ZBTB20: variants seen among roughly 807,000 people sequenced by gnomAD.
ZBTB20 encodes the protein zinc finger and BTB domain-containing protein 20.
In ZBTB20, 9 loss-of-function variants were observed where a neutral mutation model predicts 56.9. The ratio of observed to expected loss-of-function variants is 0.16; its 90% CI spans 0.10 to 0.28. ZBTB20 has a LOEUF of 0.28. Among genes scored for constraint, ZBTB20 ranks in the 10% least tolerant of loss-of-function variants. ZBTB20 has a pLI of 1.00. For missense variants in ZBTB20, 655 were observed against 1,003.0 expected, an observed-to-expected ratio of 0.65 and a Z score of 4.69; for synonymous variants, 417 against 420.7, an observed-to-expected ratio of 0.99 and a Z score of 0.11.
intron 6 of ZBTB20, among the ~76,000 whole-genome samples, chr3:114,566,724 T>G (rs776443664): frequency 1.3e-5 from 2 of 152,222 alleles, no homozygotes; most frequent in Non-Finnish European, 2.9e-5. Flanking sequence ...AGCACATTGT[T>G]CTTCAATCAC....
At chr3:114,839,374 C>T (rs59135110) in intron 4 of ZBTB20, among the ~76,000 whole-genome samples, 2,420 of 140,222 alleles carry the variant, frequency 0.017, 73 homozygotes, top group African/African-American at 0.061. Context: ...GCACTCCACC[C>T]TGCAGCCTGG....
intron 7 of ZBTB20, among the ~76,000 whole-genome samples, chr3:114,397,796 C>T (rs1188768385): frequency 1.3e-5 from 2 of 152,128 alleles, no homozygotes; most frequent in African/African-American, 4.8e-5. Flanking sequence ...TCCAGGCTTA[C>T]CGGATTACAG....
chr3:114,824,734 A>C (rs1293282680), intron 4 of ZBTB20, among the ~76,000 whole-genome samples: 1 of 151,962 alleles, frequency 6.6e-6, no homozygotes, highest in Non-Finnish European at 1.5e-5. Context: ...AGAAGCTCAG[A>C]GAGCTAAAGA....
chr3:114,497,441 A>C (rs1427654855), intron 7 of ZBTB20, among the ~76,000 whole-genome samples: 1 of 152,076 alleles, frequency 6.6e-6, no homozygotes, highest in Admixed American at 6.6e-5. Context: ...ACACTGAACT[A>C]TTCACTCCTC....
At position 114,844,330 on chromosome 3, in the gene ZBTB20, A is replaced by AATATATATAT. The variant is rs71146341; in HGVS notation, c.-416-43166_-416-43157dup. The stretch of plus-strand genomic sequence containing the variant: ...GTTGCATAAGAAAATTACTGGAGTA[A>AATATATATAT]ATATATATATATATATATATATATA... On this transcript the variant is annotated intron_variant, in intron 4 of 11. Transcript: ENST00000675478. Among the ~76,000 whole-genome samples, 656 of 99,050 alleles carry AATATATATAT rather than the reference A, an allele frequency of 6.6e-3. 19 individuals are homozygous for AATATATATAT. The highest frequency in any genetic ancestry group is 0.013 in the African/African-American group (216 of 16,700). The allele number at this position is 99,050 out of a possible 152,430, so 65.0% of individuals were successfully genotyped here. A position where few individuals can be genotyped will look rare whatever the true frequency, so the allele number is the denominator to read the frequency against.
chr3:114,809,561 GTAAT>G (rs2072362849), intron 4 of ZBTB20, among the ~76,000 whole-genome samples: 1 of 151,870 alleles, frequency 6.6e-6, no homozygotes, highest in Non-Finnish European at 1.5e-5. Flanking sequence ...TATTTAAAGG[GTAAT>G]TATAGTAATA....
At chr3:114,610,889 A>G (rs757044873) in intron 6 of ZBTB20, among the ~76,000 whole-genome samples, 4 of 152,238 alleles carry the variant, frequency 2.6e-5, no homozygotes, top group Admixed American at 6.5e-5. Flanking sequence ...CAACGTGTAC[A>G]CACAATTCTT....
chr3:114,935,083 G>A (rs1406121166), intron 3 of ZBTB20, among the ~76,000 whole-genome samples: 1 of 152,074 alleles, frequency 6.6e-6, no homozygotes, highest in African/African-American at 2.4e-5. Context: ...AAATCAATTT[G>A]GGTCATGGTA....
chr3:115,088,997 GC>G (rs1468170678), intron 1 of ZBTB20, among the ~76,000 whole-genome samples: 1 of 151,828 alleles, frequency 6.6e-6, no homozygotes, highest in Non-Finnish European at 1.5e-5. Flanking sequence ...AGAGGATTAT[GC>G]ATTATCAATT....
intron 6 of ZBTB20, among the ~76,000 whole-genome samples, chr3:114,669,442 A>T (rs1365040878): frequency 6.6e-6 from 1 of 152,038 alleles, no homozygotes; most frequent in Non-Finnish European, 1.5e-5. Flanking sequence ...AACTGGTAAA[A>T]CAGGTAGTTG....
chr3:114,439,992 T>C (rs944527895), intron 7 of ZBTB20, among the ~76,000 whole-genome samples: 3 of 152,158 alleles, frequency 2.0e-5, no homozygotes, highest in Admixed American at 6.5e-5. Context: ...ATCTCTATAA[T>C]CATGCTTAGA....
chr3:114,924,434 A>G (rs1262269917), intron 3 of ZBTB20, among the ~76,000 whole-genome samples: 1 of 152,232 alleles, frequency 6.6e-6, no homozygotes, highest in Non-Finnish European at 1.5e-5. Flanking sequence ...TCTGTAAGAC[A>G]TTATACTAAG....
intron 5 of ZBTB20, among the ~76,000 whole-genome samples, chr3:114,718,936 A>G (rs926136200): frequency 2.0e-5 from 3 of 151,980 alleles, no homozygotes; most frequent in Non-Finnish European, 4.4e-5. Context: ...TATGTGTGTG[A>G]GCTGTTCCAC....
intron 4 of ZBTB20, among the ~76,000 whole-genome samples, chr3:114,853,913 T>C (rs1399981307): frequency 6.6e-6 from 1 of 152,200 alleles, no homozygotes; most frequent in Non-Finnish European, 1.5e-5. Context: ...AGAAGAGTAA[T>C]AGGAAAATGA....
chr3:114,815,230 G>A (rs2072832747), intron 4 of ZBTB20, among the ~76,000 whole-genome samples: 1 of 152,046 alleles, frequency 6.6e-6, no homozygotes, highest in African/African-American at 2.4e-5. Flanking sequence ...TTATATATTA[G>A]TAGTTAAGTC....
At chr3:114,855,845 T>A (rs896639090) in intron 4 of ZBTB20, among the ~76,000 whole-genome samples, 1 of 152,116 alleles carries the variant, frequency 6.6e-6, no homozygotes, top group African/African-American at 2.4e-5. Flanking sequence ...CTTAGAAAAT[T>A]ATCCCTAAAA....
chr3:115,043,929 A>G (rs1279986159), intron 2 of ZBTB20, among the ~76,000 whole-genome samples: 2 of 152,114 alleles, frequency 1.3e-5, no homozygotes, highest in Admixed American at 6.5e-5. Flanking sequence ...TCTCCTTGGT[A>G]ATAAGTGAGC....
At chr3:114,638,777 A>G (rs1195408916) in intron 6 of ZBTB20, among the ~76,000 whole-genome samples, 1 of 151,970 alleles carries the variant, frequency 6.6e-6, no homozygotes, top group Admixed American at 6.6e-5. Flanking sequence ...TAGCTCAATT[A>G]TTATATACAA....
chr3:114,846,170 TTG>T lies in ZBTB20; in HGVS notation c.-416-44998_-416-44997del, dbSNP rs548201976. On this transcript the variant is annotated intron_variant, in intron 4 of 11. Coordinates refer to ENST00000675478, the MANE Select transcript of ZBTB20 (RefSeq NM_001348800.3). Reference sequence around the variant, plus strand: ...CTATATAATGTGTGTGTCTGTGTGTTTGTATGCATGTGTATGAAATCAAAATG... The same window carrying T: ...CTATATAATGTGTGTGTCTGTGTGTTTATGCATGTGTATGAAATCAAAATG... Among the ~76,000 whole-genome samples the T allele has an allele frequency of 9.3e-4, 141 of 152,168 alleles. 1 individual carries two copies. Among genetic ancestry groups the T allele is most frequent in the Middle Eastern group, 3.4e-3 (1 of 294 alleles).
Sources: gnomAD v4.1 joint callset for allele counts (sites outside exome capture counted in the v4.1 genomes callset) on GRCh38, gnomAD v4.1.1 for gene constraint, MANE v1.5 for transcripts, NCBI Gene and HGNC (gene_info 2026-07-23, HGNC 2026-07-21) for gene names.